PRKG1: variants seen among roughly 807,000 people sequenced by gnomAD.
PRKG1 encodes the protein cGMP-dependent protein kinase 1.
Under a neutral mutation model 88.1 loss-of-function variants are expected in PRKG1, and 35 were observed. The observed-to-expected ratio is 0.40, with a 90% CI of 0.30 to 0.53. The LOEUF is 0.53. Ranked by LOEUF, PRKG1 falls within the 20% of genes least tolerant of loss-of-function variation. The probability of loss-of-function intolerance (pLI) is 0.59; values close to 1 mark genes in which losing one functional copy is unlikely to be tolerated. For missense variants in PRKG1, 540 were observed against 839.8 expected, an observed-to-expected ratio of 0.64 and a Z score of 4.41; for synonymous variants, 303 against 292.5, an observed-to-expected ratio of 1.04 and a Z score of -0.37.
intron 7 of PRKG1, among the ~76,000 whole-genome samples, chr10:52,113,255 C>A (rs1391352893): frequency 1.3e-5 from 2 of 152,078 alleles, no homozygotes; most frequent in Non-Finnish European, 2.9e-5. Flanking sequence ...TCTAACATTG[C>A]TTTTATTAAA....
intron 3 of PRKG1, among the ~76,000 whole-genome samples, chr10:51,750,138 A>G (rs1472604371): frequency 1.3e-5 from 2 of 151,694 alleles, no homozygotes. Flanking sequence ...GTTTCATCAT[A>G]TTGGCCAGGC....
At chr10:51,074,248 C>T (rs1269842840), upstream of PRKG1, 2 of 246,578 alleles carry the variant, frequency 8.1e-6, no homozygotes, top group Non-Finnish European at 1.6e-5. Context: ...CCCCCATTCA[C>T]GTCCCCTCCT....
intron 4 of PRKG1, among the ~76,000 whole-genome samples, chr10:51,824,127 G>A (rs1026277606): frequency 2.0e-5 from 3 of 151,956 alleles, no homozygotes; most frequent in African/African-American, 7.3e-5. Flanking sequence ...TCCCGCTTTG[G>A]CCTCCCAAAG....
At chr10:51,581,693 A>AGAG (rs1838040916) in intron 3 of PRKG1, among the ~76,000 whole-genome samples, 1 of 151,912 alleles carries the variant, frequency 6.6e-6, no homozygotes, top group East Asian at 1.9e-4. Context: ...CTTGCATGCA[A>AGAG]TTTTATATTT....
In PRKG1 at chr10:51,267,432, T is replaced by TAAATA. The variant is rs1240117126; in HGVS notation, c.478+114102_478+114103insAAATA. On this transcript the variant is annotated intron_variant, in intron 2 of 17. Coordinates refer to ENST00000373980, the MANE Select transcript of PRKG1 (RefSeq NM_006258.4). ...GTAAAAATATTAGGTGTCTTTCAGTTTTTACTATGTTAAATATTTCTGCAA... is the reference window on the plus strand; with the variant it reads ...GTAAAAATATTAGGTGTCTTTCAGTTAAATATTTACTATGTTAAATATTTCTGCAA... Among the ~76,000 whole-genome samples, 7 of 152,322 alleles carry TAAATA rather than the reference T, an allele frequency of 4.6e-5. No homozygotes were observed. The East Asian group carries it at 1.3e-3, about 29-fold the overall frequency.
chr10:51,797,406 T>A (rs867585641), intron 3 of PRKG1, among the ~76,000 whole-genome samples: 20 of 146,230 alleles, frequency 1.4e-4, no homozygotes, highest in African/African-American at 4.7e-4. Context: ...ATTATATTAT[T>A]TATAATACAT....
chr10:51,563,604 A>G (rs1837526545), intron 3 of PRKG1, among the ~76,000 whole-genome samples: 1 of 149,452 alleles, frequency 6.7e-6, no homozygotes, highest in East Asian at 1.9e-4. Context: ...CAACAGCAAC[A>G]GAACGTTTGT....
intron 9 of PRKG1, among the ~76,000 whole-genome samples, chr10:52,234,558 G>T (rs1035269470): frequency 6.7e-6 from 1 of 148,154 alleles, no homozygotes; most frequent in South Asian, 2.2e-4. Context: ...TGGAAGAAAG[G>T]GTATCAGCAA....
intron 3 of PRKG1, among the ~76,000 whole-genome samples, chr10:51,592,883 A>C (rs981362485): frequency 1.3e-5 from 2 of 152,188 alleles, no homozygotes; most frequent in Non-Finnish European, 2.9e-5. Context: ...AGTAAATTAC[A>C]AATAGGACCT....
At chr10:51,393,005 ACT>A (rs1837468406) in intron 2 of PRKG1, among the ~76,000 whole-genome samples, 6 of 137,268 alleles carry the variant, frequency 4.4e-5, no homozygotes, top group African/African-American at 1.7e-4. Flanking sequence ...GGGCAGAGAC[ACT>A]CCTCACTTCC....
intron 2 of PRKG1, among the ~76,000 whole-genome samples, chr10:51,216,183 C>T (rs1253581219): frequency 6.6e-6 from 1 of 152,132 alleles, no homozygotes; most frequent in Non-Finnish European, 1.5e-5. Flanking sequence ...AACCCCATCC[C>T]CAAAGAATTC....
At chr10:51,284,473 A>T (rs2132208895) in intron 2 of PRKG1, among the ~76,000 whole-genome samples, 1 of 152,358 alleles carries the variant, frequency 6.6e-6, no homozygotes, top group South Asian at 2.1e-4. Context: ...TTTGCAAATT[A>T]TTAAAATAGG....
chr10:51,910,597 G>A (rs557447970), intron 5 of PRKG1: 101 of 152,234 alleles, frequency 6.6e-4, no homozygotes, highest in African/African-American at 2.3e-3. Flanking sequence ...TCAAGCAGAG[G>A]GGAATATTAA....
rs56396755 is a variant in PRKG1, at chr10:51,743,634, T to TTATA, written c.593-60940_593-60937dup. 1.9e-3 allele frequency among the ~76,000 whole-genome samples: 243 copies of TTATA among 127,244 alleles called. 2 individuals carry two copies. Among genetic ancestry groups the TTATA allele is most frequent in the African/African-American group, 5.1e-3 (170 of 33,456 alleles). 83.5% of individuals were successfully genotyped at this position (127,244 alleles called of 152,430 possible). ...TTTCTCCCCACTTGTTTAATTTATT[T>TTATA]TATATATATATATAATATAAACTAA... On this transcript the variant is annotated intron_variant, in intron 3 of 17. Transcript: ENST00000373980.
chr10:52,224,056 A>G (rs1005162231), intron 9 of PRKG1, among the ~76,000 whole-genome samples: 1 of 152,104 alleles, frequency 6.6e-6, no homozygotes, highest in Non-Finnish European at 1.5e-5. Flanking sequence ...AAATTAGAGG[A>G]CAAAACCAAC....
rs139704508 is a variant in PRKG1, at chr10:51,874,406, T to C, written c.699-33101T>C. On this transcript the variant is annotated intron_variant, in intron 4 of 17. Transcript: ENST00000373980. The stretch of plus-strand genomic sequence containing the variant: ...GAGCATGAAAGCCGAGAAGTAGTAG[T>C]ACAGATAACATCAAAATATCATGCA... Among the ~76,000 whole-genome samples the C allele has an allele frequency of 6.6e-5, 10 of 152,344 alleles. No homozygotes were observed. The East Asian group carries it at 1.9e-3, about 29-fold the overall frequency.
intron 3 of PRKG1, chr10:51,699,138 C>T (rs766956652): frequency 1.9e-6 from 3 of 1,614,092 alleles, no homozygotes; most frequent in Non-Finnish European, 2.5e-6. Flanking sequence ...AACATCTGCT[C>T]CGGGGGGAGA....
chr10:51,182,758 C>A (rs1837380874), intron 2 of PRKG1, among the ~76,000 whole-genome samples: 1 of 152,168 alleles, frequency 6.6e-6, no homozygotes, highest in South Asian at 2.1e-4. Flanking sequence ...TCTATAAGGT[C>A]TGATGTCAGC....
intron 3 of PRKG1, among the ~76,000 whole-genome samples, chr10:51,513,950 A>G (rs1589035140): frequency 7.1e-6 from 1 of 140,796 alleles, no homozygotes; most frequent in African/African-American, 2.7e-5. Context: ...GAAAAGCAAG[A>G]ACAAACACAT....
Sources: gnomAD v4.1 joint callset for allele counts (sites outside exome capture counted in the v4.1 genomes callset) on GRCh38, gnomAD v4.1.1 for gene constraint, MANE v1.5 for transcripts, NCBI Gene and HGNC (gene_info 2026-07-23, HGNC 2026-07-21) for gene names.